PPM1B: variants seen among roughly 807,000 people sequenced by gnomAD.
PPM1B encodes the protein protein phosphatase 1B.
Under a neutral mutation model 43.0 loss-of-function variants are expected in PPM1B, and 22 were observed. That is an observed-to-expected ratio of 0.51 (90% CI 0.37 to 0.73). The LOEUF is 0.73. PPM1B is among the 30% of genes least tolerant of loss of function. The pLI is 0.00. For synonymous variants in PPM1B, 217 were observed against 197.9 expected, an observed-to-expected ratio of 1.10 and a Z score of -0.81; for missense variants, 632 against 584.2, an observed-to-expected ratio of 1.08 and a Z score of -0.84.
chr2:44,206,550 T>C (rs887794211), intron 2 of PPM1B, among the ~76,000 whole-genome samples: 6 of 152,234 alleles, frequency 3.9e-5, no homozygotes, highest in Non-Finnish European at 7.3e-5. Context: ...AAAGTATTTA[T>C]ATTTTATAAC....
At chr2:44,200,388 C>T (rs1480525053) in intron 1 of PPM1B, among the ~76,000 whole-genome samples, 4 of 152,034 alleles carry the variant, frequency 2.6e-5, no homozygotes, top group South Asian at 4.1e-4. Flanking sequence ...GTTGGGTAGG[C>T]GGGGAGAGGG....
intron 3 of PPM1B, among the ~76,000 whole-genome samples, chr2:44,215,657 ATAG>A (rs1177156647): frequency 6.6e-6 from 1 of 152,158 alleles, no homozygotes; most frequent in East Asian, 1.9e-4. Flanking sequence ...TAAACAGGGA[ATAG>A]TAGTTCACCT....
chr2:44,177,801 T>A (rs893435063), intron 1 of PPM1B, among the ~76,000 whole-genome samples: 1 of 151,996 alleles, frequency 6.6e-6, no homozygotes, highest in East Asian at 1.9e-4. Flanking sequence ...TTTTTTTTTT[T>A]ACAATTTGTT....
Position 44,218,522 on chromosome 2 carries a change from T to C in PPM1B, c.1119T>C (p.His373=), listed in dbSNP as rs775664951. ...CTGTTTATAGTAGACTGAATCCACATAGAGAAAGTGATGGGGTAAGTTTTA... is the reference window on the plus strand; with the variant it reads ...CTGTTTATAGTAGACTGAATCCACACAGAGAAAGTGATGGGGTAAGTTTTA... ...IEAVYSRLNP[H]RESDGASDEA... The change falls in exon 5 of 6, where the codon CAT becomes CAC. Residue 373 remains histidine, a synonymous_variant. Transcript: ENST00000282412. The C allele has an allele frequency of 6.3e-6, 10 of 1,583,754 alleles. No individual in the cohort carries two copies. The highest frequency in any genetic ancestry group is 7.7e-6 in the Non-Finnish European group (9 of 1,168,422).
At position 44,230,621 on chromosome 2, in the gene PPM1B, C is replaced by T; in HGVS notation, c.1343C>T (p.Thr448Ile). 1 of 1,614,164 alleles carries T rather than the reference C, an allele frequency of 6.2e-7. No individual in the cohort carries two copies. The highest frequency in any genetic ancestry group is 8.5e-7 in the Non-Finnish European group (1 of 1,180,012). ...SSNSDAGNPVTMQESHTESES... is the reference protein window; with the variant it reads ...SSNSDAGNPVIMQESHTESES... ...AACAGTGATGCTGGAAACCCAGTGA[C>T]AATGCAGGAAAGCCATACTGAATCA... is the stretch of plus-strand genomic sequence containing the variant. The change falls in exon 6 of 6, where the codon ACA becomes ATA. Residue 448 changes from threonine (T) to isoleucine (I), a missense_variant. Physicochemically the swap from Thr to Ile is moderately conservative, Grantham distance 89 (BLOSUM62 -1). This residue lies in a region of PPM1B where 392 missense variants were observed against 302.7 expected (regional missense o/e 1.29). Transcript: ENST00000282412.
At position 44,198,404 on chromosome 2, in the gene PPM1B, G is replaced by C. The variant is rs367627389; in HGVS notation, c.-14-2782G>C. The stretch of plus-strand genomic sequence containing the variant: ...TCAAACTCTTTGCCTCAAGTGATCC[G>C]CCCGCCTCAGCCTCCCAAAGTGTTG... On this transcript the variant is annotated intron_variant, in intron 1 of 5. Transcript: ENST00000282412. 3.3e-5 allele frequency among the ~76,000 whole-genome samples: 5 copies of C among 151,934 alleles called. No individual in the cohort carries two copies. In the South Asian group the frequency reaches 8.3e-4, roughly 25 times the overall value.
At chr2:44,203,096 A>G (rs75640129) in intron 2 of PPM1B, among the ~76,000 whole-genome samples, 1 of 152,170 alleles carries the variant, frequency 6.6e-6, no homozygotes, top group Non-Finnish European at 1.5e-5. Context: ...TTCAGAAAGG[A>G]TCTCTGGGTC....
At chr2:44,195,081 C>G (rs1034140756) in intron 1 of PPM1B, among the ~76,000 whole-genome samples, 1 of 151,822 alleles carries the variant, frequency 6.6e-6, no homozygotes, top group African/African-American at 2.4e-5. Flanking sequence ...TTAGTAGAGA[C>G]AGGGTTTCAC....
chr2:44,208,932 T>C (rs1669320424), intron 2 of PPM1B, among the ~76,000 whole-genome samples: 2 of 152,230 alleles, frequency 1.3e-5, no homozygotes, highest in South Asian at 4.1e-4. Flanking sequence ...GAAGATTTAA[T>C]ATGTATTGAA....
chr2:44,169,395 G>C (rs777079096), intron 1 of PPM1B, 121 bp downstream of exon 1: 1 of 152,358 alleles, frequency 6.6e-6, no homozygotes, highest in African/African-American at 2.4e-5. Flanking sequence ...CTGTCCTTCC[G>C]AATCCTCGCT....
At chr2:44,225,079 C>G (rs1670152882) in intron 5 of PPM1B, among the ~76,000 whole-genome samples, 3 of 152,186 alleles carry the variant, frequency 2.0e-5, no homozygotes, top group Non-Finnish European at 2.9e-5. Flanking sequence ...TAACTTAAAT[C>G]TCTCTGAGCT....
chr2:44,187,720 G>A (rs1668191137), intron 1 of PPM1B, among the ~76,000 whole-genome samples: 1 of 152,092 alleles, frequency 6.6e-6, no homozygotes, highest in Admixed American at 6.5e-5. Flanking sequence ...GTCCAGCATT[G>A]CATTTCCTGG....
chr2:44,195,737 T>C (rs1167847497), intron 1 of PPM1B, among the ~76,000 whole-genome samples: 1 of 152,176 alleles, frequency 6.6e-6, no homozygotes, highest in East Asian at 1.9e-4. Flanking sequence ...AGTGGTGGGG[T>C]CTACGTTCCT....
At chr2:44,193,771 G>T (rs538958226) in intron 1 of PPM1B, among the ~76,000 whole-genome samples, 2 of 152,084 alleles carry the variant, frequency 1.3e-5, no homozygotes, top group East Asian at 3.9e-4. Context: ...TAGAGATGGG[G>T]TTTTACCGTG....
downstream of PPM1B, among the ~76,000 whole-genome samples, chr2:44,235,311 T>C (rs1056836707): frequency 2.0e-5 from 3 of 152,132 alleles, no homozygotes; most frequent in African/African-American, 7.2e-5. Context: ...ATGATTAAAG[T>C]TTTTTGTTAA....
intron 5 of PPM1B, among the ~76,000 whole-genome samples, chr2:44,242,901 G>A (rs897752387): frequency 2.0e-5 from 3 of 151,806 alleles, no homozygotes; most frequent in Non-Finnish European, 4.4e-5. Context: ...TCCTGAGTTC[G>A]CCATTTGCCT....
chr2:44,230,224 G>T, intron 5 of PPM1B, 189 bp from the exon 6 acceptor site: 6 of 1,415,006 alleles, frequency 4.2e-6, no homozygotes, highest in Non-Finnish European at 5.6e-6. Context: ...TGCTTAAAAT[G>T]ACTTGAGATT....
rs947096890 is a variant in PPM1B at position 44,231,177 on chromosome 2, G to T, written c.*459G>T. The T allele has an allele frequency of 1.2e-5, 12 of 983,138 alleles. No homozygotes were observed. The highest frequency in any genetic ancestry group is 1.4e-5 in the Non-Finnish European group (12 of 828,050). 60.9% of individuals were successfully genotyped at this position (983,138 alleles called of 1,614,324 possible). Reference sequence around the variant, plus strand: ...GTTCTTCAAAGAATGGCTGATGCTGGCCTGTAATTTTTCTTTCAAGGATGA... The same window carrying T: ...GTTCTTCAAAGAATGGCTGATGCTGTCCTGTAATTTTTCTTTCAAGGATGA... On this transcript the variant is annotated 3_prime_UTR_variant, in exon 6 of 6. Coordinates refer to ENST00000282412, the MANE Select transcript of PPM1B (RefSeq NM_002706.6).
At chr2:44,198,185 G>A (rs980104562) in intron 1 of PPM1B, among the ~76,000 whole-genome samples, 2 of 152,108 alleles carry the variant, frequency 1.3e-5, no homozygotes, top group African/African-American at 4.8e-5. Flanking sequence ...TTTTGAGACG[G>A]AGTCTTGCTC....
Sources: allele counts gnomAD v4.1 joint callset (sites outside exome capture counted in the v4.1 genomes callset), GRCh38; gene constraint gnomAD v4.1.1; regional missense constraint gnomAD v4.1.1; transcripts MANE v1.5; gene names NCBI Gene and HGNC (gene_info 2026-07-23, HGNC 2026-07-21).